Variants in NFATC1 observed in about 807,000 individuals in gnomAD.
The protein encoded by NFATC1 is nuclear factor of activated T cells 1, also known as nuclear factor of activated T-cells, cytoplasmic 1.
A neutral mutation model predicts 76.0 loss-of-function variants in NFATC1; 22 were observed. That is an observed-to-expected ratio of 0.29 (90% CI 0.21 to 0.41). The LOEUF is 0.41. NFATC1 is among the 10% of genes least tolerant of loss of function. The pLI is 1.00. For missense variants in NFATC1, 1,357 were observed against 1,337.7 expected (o/e 1.01, Z -0.23); for synonymous variants, 704 against 613.1 (o/e 1.15, Z -2.19).
At chr18:79,460,202 C>G (rs1035944451) in intron 6 of NFATC1, among the ~76,000 whole-genome samples, 3 of 152,168 alleles carry the variant, frequency 2.0e-5, no homozygotes, top group Admixed American at 6.5e-5. Flanking sequence ...CAGCCCGGCA[C>G]TGTAACAGAG....
intron 9 of NFATC1, among the ~76,000 whole-genome samples, chr18:79,519,110 G>A (rs1225385856): frequency 6.6e-6 from 1 of 152,120 alleles, no homozygotes; most frequent in Non-Finnish European, 1.5e-5. Flanking sequence ...CAAAGACCTC[G>A]CCTCAGAAAG....
At chr18:79,495,836 C>G (rs182739920) in intron 9 of NFATC1, among the ~76,000 whole-genome samples, 8 of 152,272 alleles carry the variant, frequency 5.3e-5, no homozygotes, top group Admixed American at 5.2e-4. Context: ...CACTGTAACA[C>G]AGGCAAGCTG....
At chr18:79,475,366 GCTCA>G (rs773115417) in intron 8 of NFATC1, among the ~76,000 whole-genome samples, 26 of 141,184 alleles carry the variant, frequency 1.8e-4, no homozygotes, top group Admixed American at 1.0e-3. Flanking sequence ...GTGTTTTCAC[GCTCA>G]CTGTCGACGT....
rs150701736 is a variant in NFATC1 at position 79,511,265 on chromosome 18, G to A, written c.2783-16263G>A. Among the ~76,000 whole-genome samples, 24 of 152,142 alleles carry A rather than the reference G, an allele frequency of 1.6e-4. No individual in the cohort carries two copies. The East Asian group carries it at 4.1e-3, about 26-fold the overall frequency. On this transcript the variant is annotated intron_variant, in intron 9 of 9. Transcript: ENST00000427363. The stretch of plus-strand genomic sequence containing the variant: ...AATCTTGGGGTGTTTTTTTCACTCC[G>A]GGGTCAATATGTCCTGAAGATTACA...
rs142481935 is a variant in NFATC1, at chr18:79,468,437, A to C, written c.2092+855A>C. Reference sequence around the variant, plus strand: ...GAGGGGACAGTTAGCGGTCATCCTGAATTTTACTGTATTTTGGGTAAGCTT... The same window carrying C: ...GAGGGGACAGTTAGCGGTCATCCTGCATTTTACTGTATTTTGGGTAAGCTT... On this transcript the variant is annotated intron_variant, in intron 8 of 9. Coordinates refer to ENST00000427363, the MANE Select transcript of NFATC1 (RefSeq NM_001278669.2). The C allele has an allele frequency of 2.6e-5, 4 of 152,250 alleles. No individual in the cohort carries two copies. In the East Asian group the frequency reaches 7.7e-4, roughly 29 times the overall value. The allele number at this position is 152,250 out of a possible 1,614,324, so 9.4% of individuals were successfully genotyped here.
intron 3 of NFATC1, among the ~76,000 whole-genome samples, chr18:79,445,399 C>T (rs747946980): frequency 1.2e-4 from 19 of 152,188 alleles, no homozygotes; most frequent in African/African-American, 9.7e-5. Context: ...TGTGGCTGGA[C>T]GTCCTCCCAT....
chr18:79,470,041 G>C, intron 8 of NFATC1: 1 of 981,890 alleles, frequency 1.0e-6, no homozygotes, highest in Non-Finnish European at 1.2e-6. Flanking sequence ...TCCGTCCCGC[G>C]TGCCCGCTGC....
At chr18:79,467,946 A>C (rs2088601792) in intron 8 of NFATC1, 1 of 1,061,384 alleles carries the variant, frequency 9.4e-7, no homozygotes, top group Non-Finnish European at 1.1e-6. Flanking sequence ...GAAAAGGCAA[A>C]TAGGTATAGC....
intron 1 of NFATC1, chr18:79,402,388 G>A (rs766373541): frequency 4.1e-6 from 4 of 985,420 alleles, no homozygotes; most frequent in Non-Finnish European, 4.8e-6. Flanking sequence ...GTGGGTTCAG[G>A]ACACAGTCCT....
chr18:79,410,776 C>T lies in NFATC1; in HGVS notation c.501C>T (p.Asp167=), dbSNP rs768935319. The change falls in exon 2 of 10, where the codon GAC becomes GAT. Residue 167 remains aspartate (D), a synonymous_variant. Transcript: ENST00000427363. The surrounding 1 kb of genome is among the most constrained non-coding windows in gnomAD (Gnocchi z 6.7). The part of the protein sequence containing the change: ...LSLPSLEAYR[D]PSCLSPASSL... ...TGCCCAGCCTGGAGGCCTACAGAGA[C>T]CCCTCGTGCCTGAGCCCGGCCAGCA... is the stretch of plus-strand genomic sequence containing the variant. 5 of 1,612,946 alleles carry T rather than the reference C, an allele frequency of 3.1e-6. No individual in the cohort carries two copies. Among genetic ancestry groups the T allele is most frequent in the East Asian group, 4.5e-5 (2 of 44,870 alleles).
At chr18:79,520,531 T>TGGGGGGGG (rs771400789) in intron 9 of NFATC1, among the ~76,000 whole-genome samples, 1 of 141,602 alleles carries the variant, frequency 7.1e-6, no homozygotes, top group African/African-American at 2.7e-5. Context: ...ACTCTGTGTG[T>TGGGGGGGG]GGGGGGGGGA....
chr18:79,441,004 T>C (rs1343573783), intron 3 of NFATC1, among the ~76,000 whole-genome samples: 1 of 152,102 alleles, frequency 6.6e-6, no homozygotes, highest in East Asian at 1.9e-4. Context: ...ACCTCCCTCC[T>C]CCAGGCAGGA....
chr18:79,452,547 C>T (rs972785581), intron 6 of NFATC1, among the ~76,000 whole-genome samples: 21 of 152,324 alleles, frequency 1.4e-4, no homozygotes, highest in African/African-American at 2.6e-4. Flanking sequence ...ATGCAGACGC[C>T]GGGCCCCAGC....
At chr18:79,442,522 G>A (rs945603615) in intron 3 of NFATC1, among the ~76,000 whole-genome samples, 1 of 152,258 alleles carries the variant, frequency 6.6e-6, no homozygotes, top group Non-Finnish European at 1.5e-5. Flanking sequence ...GGCTAGAAAA[G>A]TAGGGACCTG....
chr18:79,404,844 G>A (rs913639360), intron 1 of NFATC1, among the ~76,000 whole-genome samples: 8 of 152,220 alleles, frequency 5.3e-5, no homozygotes, highest in Non-Finnish European at 7.3e-5. Context: ...TCAGCACGGC[G>A]GGGTCTGCAA....
At position 79,463,436 on chromosome 18, in the gene NFATC1, C is replaced by T. The variant is rs76354563; in HGVS notation, c.1959+2070C>T. On this transcript the variant is annotated intron_variant, in intron 7 of 9. Transcript: ENST00000427363. ...AGCTGCTGTACCGGCCTCTCCTCCCCGCAGCCTGTTCCCGTGTCCATACCG... is the reference window on the plus strand; with the variant it reads ...AGCTGCTGTACCGGCCTCTCCTCCCTGCAGCCTGTTCCCGTGTCCATACCG... 8.3e-3 allele frequency among the ~76,000 whole-genome samples: 1,207 copies of T among 146,182 alleles called. 9 individuals carry two copies. The highest frequency in any genetic ancestry group is 0.014 in the Non-Finnish European group (902 of 64,166).
rs746980510 is a variant in NFATC1, at chr18:79,396,315, C to A, written c.91C>A (p.Pro31Thr). Residue 31 changes from proline to threonine, a missense_variant, in exon 1 of 10, where the codon CCG becomes ACG. Transcript: ENST00000427363. ...GAGAGGAGAAACTTTGGGGCCCGCG[C>A]CGCGCGCCGGCGGCACCATGAAGTC... is the stretch of plus-strand genomic sequence containing the variant. ...FGRGETLGPAPRAGGTMKSAE... is the reference protein window; with the variant it reads ...FGRGETLGPATRAGGTMKSAE... The A allele has an allele frequency of 2.8e-6, 4 of 1,421,848 alleles. No individual in the cohort carries two copies. The highest frequency in any genetic ancestry group is 3.7e-6 in the Non-Finnish European group (4 of 1,073,362). The allele number at this position is 1,421,848 out of a possible 1,614,324, so 88.1% of individuals were successfully genotyped here. A position where few individuals can be genotyped will look rare whatever the true frequency, so the allele number is the denominator to read the frequency against.
At chr18:79,480,297 G>A (rs938764561) in intron 8 of NFATC1, among the ~76,000 whole-genome samples, 3 of 152,172 alleles carry the variant, frequency 2.0e-5, no homozygotes, top group African/African-American at 7.2e-5. Flanking sequence ...GGAGCCCCAG[G>A]CTTCAGAAAG....
At chr18:79,494,268 G>C (rs878943804) in intron 9 of NFATC1, among the ~76,000 whole-genome samples, 579 of 107,122 alleles carry the variant, frequency 5.4e-3, no homozygotes, top group African/African-American at 9.3e-3. Context: ...CGCCCCCCAT[G>C]AACCTGGTAC....
Sources: allele counts gnomAD v4.1 joint callset (sites outside exome capture counted in the v4.1 genomes callset), GRCh38; gene constraint gnomAD v4.1.1; non-coding constraint Gnocchi (gnomAD v3.1); transcripts MANE v1.5; gene names NCBI Gene and HGNC (gene_info 2026-07-23, HGNC 2026-07-21).